The following SORCS2 variants were observed in gnomAD, a reference collection of about 807,000 sequenced individuals.
The protein encoded by SORCS2 is VPS10 domain-containing receptor SorCS2.
In SORCS2, 100 loss-of-function variants were observed where a neutral mutation model predicts 141.6. That is an observed-to-expected ratio of 0.71 (90% CI 0.60 to 0.83). The LOEUF (loss-of-function observed/expected upper bound fraction) is 0.83, where lower values mean the gene tolerates loss of function less well. Among genes scored for constraint, SORCS2 ranks in the 40% least tolerant of loss-of-function variants. The probability of loss-of-function intolerance (pLI) is 0.00; values close to 1 mark genes in which losing one functional copy is unlikely to be tolerated. For missense variants in SORCS2, 1,646 were observed against 1,560.2 expected (o/e 1.05, Z -0.93); for synonymous variants, 789 against 676.9 (o/e 1.17, Z -2.57).
At chr4:7,701,404 A>T (rs1216104316) in intron 12 of SORCS2, among the ~76,000 whole-genome samples, 1 of 152,152 alleles carries the variant, frequency 6.6e-6, no homozygotes, top group African/African-American at 2.4e-5. Flanking sequence ...GCAGTGGGAA[A>T]TGGCAGCCGA....
intron 11 of SORCS2, among the ~76,000 whole-genome samples, chr4:7,690,650 G>A (rs1370423638): frequency 6.6e-6 from 1 of 152,062 alleles, no homozygotes; most frequent in Non-Finnish European, 1.5e-5. Flanking sequence ...GATGATGGGT[G>A]ATGGATAGAT....
At chr4:7,261,909 G>A (rs1187076326) in intron 1 of SORCS2, among the ~76,000 whole-genome samples, 2 of 152,176 alleles carry the variant, frequency 1.3e-5, no homozygotes, top group African/African-American at 4.8e-5. Context: ...GATTTGTGTC[G>A]ACTGGGAAAT....
rs1009627476 is a variant in SORCS2 at position 7,515,512 on chromosome 4, C to T, written c.549-16018C>T. On this transcript the variant is annotated intron_variant, in intron 2 of 26. Transcript: ENST00000507866. ...CCCAGCGCCTGGCACGAGGGCTCAG[C>T]GGGCAGCCGGATGGAGGAGGAGGAG... Among the ~76,000 whole-genome samples, 7 of 152,260 alleles carry T rather than the reference C, an allele frequency of 4.6e-5. No homozygotes were observed. The South Asian group carries it at 1.2e-3, about 27-fold the overall frequency.
rs568018946 is a variant in SORCS2, at chr4:7,541,839, G to A, written c.648+10210G>A. On this transcript the variant is annotated intron_variant, in intron 3 of 26. Coordinates refer to ENST00000507866, the MANE Select transcript of SORCS2 (RefSeq NM_020777.3). ...TGGTGCAGCTACACCAAAGAAAAAC[G>A]CAGATAGAAACCAACAGGAAAGCCG... is the stretch of plus-strand genomic sequence containing the variant. 3.9e-5 allele frequency among the ~76,000 whole-genome samples: 6 copies of A among 152,308 alleles called. No individual in the cohort carries two copies. The South Asian group carries it at 6.2e-4, about 16-fold the overall frequency.
At position 7,655,329 on chromosome 4, in the gene SORCS2, A is replaced by G. The variant is rs574018640; in HGVS notation, c.887+1122A>G. Among the ~76,000 whole-genome samples, 12 of 152,276 alleles carry G rather than the reference A, an allele frequency of 7.9e-5. No homozygotes were observed. The South Asian group carries it at 2.5e-3, about 32-fold the overall frequency. Reference sequence around the variant, plus strand: ...TCTCCGCAACAGAAAAACACACGGAAAGGGCTTCCTACCCGTCCCGAGGGC... The same window carrying G: ...TCTCCGCAACAGAAAAACACACGGAGAGGGCTTCCTACCCGTCCCGAGGGC... On this transcript the variant is annotated intron_variant, in intron 5 of 26. Transcript: ENST00000507866.
At chr4:7,510,292 C>T (rs1291677884) in intron 2 of SORCS2, among the ~76,000 whole-genome samples, 4 of 152,222 alleles carry the variant, frequency 2.6e-5, no homozygotes, top group South Asian at 2.1e-4. Flanking sequence ...AGTCCTGCGC[C>T]GGCCCCCGAT....
chr4:7,448,366 G>A (rs1728140563), intron 2 of SORCS2, among the ~76,000 whole-genome samples: 1 of 151,808 alleles, frequency 6.6e-6, no homozygotes, highest in Non-Finnish European at 1.5e-5. Context: ...TGTAGTCCAA[G>A]GAAGGGTTTT....
intron 3 of SORCS2, among the ~76,000 whole-genome samples, chr4:7,595,725 G>T (rs734526): frequency 0.4 from 61,280 of 151,982 alleles, 13,011 homozygotes; most frequent in East Asian, 0.69. Context: ...TCAGTGTTCA[G>T]TTCAGATTTG....
chr4:7,254,373 A>G (rs914138618), intron 1 of SORCS2, among the ~76,000 whole-genome samples: 1 of 152,198 alleles, frequency 6.6e-6, no homozygotes, highest in Admixed American at 6.5e-5. Flanking sequence ...TTGCAGCAAC[A>G]TAGATGGAGC....
chr4:7,722,909 A>G (rs1043836356), intron 18 of SORCS2, among the ~76,000 whole-genome samples: 3 of 152,172 alleles, frequency 2.0e-5, no homozygotes, highest in African/African-American at 7.2e-5. Context: ...TCACTAGGAA[A>G]CGGTTTCCTC....
chr4:7,307,892 GTA>G (rs1176590974), intron 1 of SORCS2, among the ~76,000 whole-genome samples: 1 of 151,832 alleles, frequency 6.6e-6, no homozygotes, highest in Non-Finnish European at 1.5e-5. Context: ...ATGGGTTTGT[GTA>G]TATGTCTGTG....
At chr4:7,384,505 T>C (rs559800601) in intron 1 of SORCS2, among the ~76,000 whole-genome samples, 2 of 152,236 alleles carry the variant, frequency 1.3e-5, no homozygotes, top group Admixed American at 6.5e-5. Flanking sequence ...TTAAGGTGCG[T>C]ACACGGGGCC....
intron 3 of SORCS2, among the ~76,000 whole-genome samples, chr4:7,550,474 G>A (rs953251557): frequency 5.3e-5 from 8 of 152,320 alleles, no homozygotes; most frequent in Middle Eastern, 3.4e-3. Flanking sequence ...GGTGGTGATC[G>A]GCAGACACCA....
At chr4:7,614,571 C>A (rs1718630642) in intron 3 of SORCS2, among the ~76,000 whole-genome samples, 1 of 151,322 alleles carries the variant, frequency 6.6e-6, no homozygotes, top group Admixed American at 6.6e-5. Context: ...GTCCATCCAT[C>A]CATCCATCAT....
chr4:7,379,521 G>C (rs1722856653), intron 1 of SORCS2, among the ~76,000 whole-genome samples: 2 of 152,218 alleles, frequency 1.3e-5, no homozygotes, highest in African/African-American at 2.4e-5. Flanking sequence ...TATGGCTGAG[G>C]CTTTCCCGTT....
chr4:7,412,246 A>T (rs1372714993), intron 2 of SORCS2, among the ~76,000 whole-genome samples: 1 of 152,056 alleles, frequency 6.6e-6, no homozygotes, highest in Non-Finnish European at 1.5e-5. Flanking sequence ...CATCCTGCTC[A>T]CTCGGCCTTG....
chr4:7,504,600 C>G (rs1330189975), intron 2 of SORCS2, among the ~76,000 whole-genome samples: 2 of 152,226 alleles, frequency 1.3e-5, no homozygotes, highest in Non-Finnish European at 2.9e-5. Flanking sequence ...CTCTGGACCC[C>G]AGGGCTGGCT....
intron 2 of SORCS2, among the ~76,000 whole-genome samples, chr4:7,435,204 C>T (rs550975496): frequency 6.6e-6 from 1 of 152,180 alleles, no homozygotes. Flanking sequence ...CCCCCTGCTG[C>T]AGTAGTTCCT....
chr4:7,457,424 T>A (rs1338793934), intron 2 of SORCS2, among the ~76,000 whole-genome samples: 1 of 148,902 alleles, frequency 6.7e-6, no homozygotes, highest in Non-Finnish European at 1.5e-5. Flanking sequence ...AGCTGGCAGG[T>A]GTGAGCTGCA....
Sources: allele counts gnomAD v4.1 joint callset (sites outside exome capture counted in the v4.1 genomes callset), GRCh38; gene constraint gnomAD v4.1.1; transcripts MANE v1.5; gene names NCBI Gene and HGNC (gene_info 2026-07-23, HGNC 2026-07-21).